Variants in ARHGDIG observed in about 807,000 individuals in gnomAD.
ARHGDIG encodes the protein rho GDP-dissociation inhibitor 3.
A neutral mutation model predicts 20.2 loss-of-function variants in ARHGDIG; 14 were observed. That is an observed-to-expected ratio of 0.69 (90% confidence interval 0.46 to 1.08). The LOEUF is 1.08. Among genes scored for constraint, ARHGDIG ranks in the 50% least tolerant of loss-of-function variants. ARHGDIG has a pLI of 0.00. For missense variants in ARHGDIG, 311 were observed against 301.8 expected, an observed-to-expected ratio of 1.03 and a Z score of -0.23; for synonymous variants, 193 against 138.6, an observed-to-expected ratio of 1.39 and a Z score of -2.76.
chr16:281,819 G>A lies in ARHGDIG; in HGVS notation c.147G>A (p.Arg49=). The change falls in exon 2 of 6, where the codon CGG becomes CGA. Residue 49 remains arginine, a synonymous_variant. Transcript: ENST00000219409. ...EVLDEAVPEY[R]APGRKSLLEI... The stretch of plus-strand genomic sequence containing the variant: ...TGGATGAGGCTGTGCCCGAGTACCG[G>A]GCGCCGGGGAGGAAGAGCCTCTTGG... The A allele has an allele frequency of 1.2e-6, 2 of 1,611,962 alleles. No homozygotes were observed. Among genetic ancestry groups the A allele is most frequent in the Admixed American group, 1.7e-5 (1 of 60,000 alleles).
At chr16:281,439 C>T in intron 1 of ARHGDIG, 2 of 332,978 alleles carry the variant, frequency 6.0e-6, no homozygotes, top group South Asian at 5.3e-5. Context: ...CTGGGCTGCC[C>T]TCATCTGAAG....
intron 3 of ARHGDIG, 32 bp downstream of exon 3, chr16:282,140 G>A (rs1596936573): frequency 1.9e-6 from 3 of 1,612,128 alleles, no homozygotes; most frequent in Admixed American, 1.7e-5. Context: ...CCTGAACACA[G>A]GTAGGGCCCT....
intron 1 of ARHGDIG, 110 bp from the exon 2 acceptor site, chr16:281,636 T>C: frequency 7.9e-7 from 1 of 1,270,320 alleles, no homozygotes; most frequent in East Asian, 2.6e-5. Context: ...AGGCTTCCCT[T>C]GAGTCCCTTT....
intron 1 of ARHGDIG, chr16:281,371 G>A (rs1424279656): frequency 1.1e-5 from 2 of 189,982 alleles, no homozygotes; most frequent in South Asian, 9.5e-5. Flanking sequence ...GGCCCTAGAG[G>A]GTCAGTAGGT....
rs562912473 is a variant in ARHGDIG at position 281,407 on chromosome 16, C to G, written c.74-339C>G. On this transcript the variant is annotated intron_variant, in intron 1 of 5. Coordinates refer to ENST00000219409, the MANE Select transcript of ARHGDIG (RefSeq NM_001176.4). ...TTGGGGGCCGCCGAGGGCCGCTGCT[C>G]TCTAGCAGGTAGCCCCTGACCCTGG... The G allele has an allele frequency of 3.2e-5, 8 of 247,290 alleles. No individual in the cohort carries two copies. The East Asian group carries it at 3.5e-4, about 11-fold the overall frequency. The allele number at this position is 247,290 out of a possible 1,614,324, so 15.3% of individuals were successfully genotyped here. A position where few individuals can be genotyped will look rare whatever the true frequency, so the allele number is the denominator to read the frequency against.
In ARHGDIG at chr16:282,026, C is replaced by A; in HGVS notation, c.255C>A (p.Asp85Glu). 1.9e-6 allele frequency: 3 copies of A among 1,612,384 alleles called. No individual in the cohort carries two copies. The highest frequency in any genetic ancestry group is 1.7e-6 in the Non-Finnish European group (2 of 1,179,850). ...VLLGPLPPAV[D>E]PSLPNVQVTR... ...TGCAGACTTCCAGTTTCTCCTCAGA[C>A]CCAAGCCTGCCCAATGTGCAGGTGA... The change falls in exon 3 of 6, where the codon GAC (aspartate) becomes GAA (glutamate). Residue 85 changes from aspartate (D) to glutamate (E), a missense_variant and splice_region_variant. By Grantham distance (45) the Asp-to-Glu change is conservative (BLOSUM62 2). Transcript: ENST00000219409.
At chr16:282,181 G>C in intron 3 of ARHGDIG, 73 bp downstream of exon 3, 1 of 1,606,854 alleles carries the variant, frequency 6.2e-7, no homozygotes, top group Non-Finnish European at 8.5e-7. Flanking sequence ...CCTGAGTTCC[G>C]AGCCCTGGGC....
chr16:281,856 C>G lies in ARHGDIG; in HGVS notation c.184C>G (p.Leu62Val). ...GRKSLLEIRQ[L>V]DPDDRSLAKY... ...GAAGAGCCTCTTGGAGATCCGGCAG[C>G]TGGACCCGGACGACAGGAGCCTGGC... The change falls in exon 2 of 6, where the codon CTG (leucine) becomes GTG (valine). Residue 62 changes from leucine to valine, a missense_variant. Leu to Val is a conservative substitution (Grantham distance 32, BLOSUM62 1). Coordinates refer to ENST00000219409, the MANE Select transcript of ARHGDIG (RefSeq NM_001176.4). 6.2e-7 allele frequency: 1 copy of G among 1,611,496 alleles called. No individual in the cohort carries two copies. The highest frequency in any genetic ancestry group is 8.5e-7 in the Non-Finnish European group (1 of 1,179,836).
intron 1 of ARHGDIG, 155 bp from the exon 2 acceptor site, chr16:281,591 T>A: frequency 1.1e-6 from 1 of 927,386 alleles, no homozygotes; most frequent in Non-Finnish European, 1.6e-6. Flanking sequence ...CAGGCCGCCC[T>A]GCTCTCTCTG....
chr16:281,846 G>A lies in ARHGDIG; in HGVS notation c.174G>A (p.Glu58=). 6.2e-7 allele frequency: 1 copy of A among 1,611,838 alleles called. No homozygotes were observed. The highest frequency in any genetic ancestry group is 1.7e-5 in the Admixed American group (1 of 60,004). Residue 58 remains glutamate (E), a synonymous_variant, in exon 2 of 6, where the codon GAG becomes GAA. Transcript: ENST00000219409. ...YRAPGRKSLL[E]IRQLDPDDRS... ...CGCCGGGGAGGAAGAGCCTCTTGGA[G>A]ATCCGGCAGCTGGACCCGGACGACA...
intron 1 of ARHGDIG, chr16:281,246 GGAAAGTGTTCA>G: frequency 6.4e-6 from 1 of 156,266 alleles, no homozygotes; most frequent in African/African-American, 2.4e-5. Flanking sequence ...CTAGACTGTG[GGAAAGTGTTCA>G]GAGACCCCAG....
Position 282,978 on chromosome 16 carries a change from T to C in ARHGDIG, c.*164T>C. ...CCTGGCCTGGCGCTGTCCCCTGAGCTGTCCCATTAAACATGGCCCTGTCTC... is the reference window on the plus strand; with the variant it reads ...CCTGGCCTGGCGCTGTCCCCTGAGCCGTCCCATTAAACATGGCCCTGTCTC... On this transcript the variant is annotated 3_prime_UTR_variant, in exon 6 of 6. Transcript: ENST00000219409. The C allele has an allele frequency of 1.1e-6, 1 of 913,566 alleles. No homozygotes were observed. The highest frequency in any genetic ancestry group is 1.8e-5 in the South Asian group (1 of 55,448). The allele number at this position is 913,566 out of a possible 1,614,324, so 56.6% of individuals were successfully genotyped here. A position where few individuals can be genotyped will look rare whatever the true frequency, so the allele number is the denominator to read the frequency against.
chr16:282,202 G>A (rs907191509), intron 3 of ARHGDIG, 94 bp downstream of exon 3: 20 of 1,603,052 alleles, frequency 1.2e-5, no homozygotes, highest in East Asian at 6.7e-5. Flanking sequence ...CATCACAGTC[G>A]CACACCTCAT....
chr16:281,753 G>C lies in ARHGDIG; in HGVS notation c.81G>C (p.Leu27=), dbSNP rs1479690128. ...LRLALCARVL[L]ADKEGGPPAV... is the part of the protein sequence containing the mutation. ...GCCCCTCCCCACCCCCAGTCCTCCT[G>C]GCTGACAAGGAGGGTGGGCCGCCGG... Residue 27 remains leucine (L), a synonymous_variant, in exon 2 of 6, where the codon CTG becomes CTC. Coordinates refer to ENST00000219409, the MANE Select transcript of ARHGDIG (RefSeq NM_001176.4). 3.8e-6 allele frequency: 6 copies of C among 1,590,590 alleles called. No individual in the cohort carries two copies. The highest frequency in any genetic ancestry group is 8.6e-7 in the Non-Finnish European group (1 of 1,169,284).
chr16:281,960 T>TG (rs752103994), intron 2 of ARHGDIG, 35 bp downstream of exon 2: 6 of 935,410 alleles, frequency 6.4e-6, no homozygotes, highest in Non-Finnish European at 8.8e-6. Context: ...GGGCTGGGTC[T>TG]GGGGGGCTGG....
chr16:282,414 G>T (rs1436472423), intron 4 of ARHGDIG, 41 bp downstream of exon 4: 3 of 1,611,510 alleles, frequency 1.9e-6, no homozygotes, highest in East Asian at 2.2e-5. Flanking sequence ...GGGGGTGGGG[G>T]CAACAGCCAG....
Position 280,760 on chromosome 16 carries a change from G to C in ARHGDIG, c.73+7G>C. ...CTGGCGCTGTGCGCCCGAGGTGAGCGGGCCGGGCAGGGGCGGGGGGCTCGG... is the reference window on the plus strand; with the variant it reads ...CTGGCGCTGTGCGCCCGAGGTGAGCCGGCCGGGCAGGGGCGGGGGGCTCGG... On this transcript the variant is annotated splice_region_variant and intron_variant, in intron 1 of 5. Coordinates refer to ENST00000219409, the MANE Select transcript of ARHGDIG (RefSeq NM_001176.4). This position sits in a 1 kb window ranked among gnomAD's most constrained non-coding sequence, Gnocchi z 6.6. 7.8e-7 allele frequency: 1 copy of C among 1,276,162 alleles called. No homozygotes were observed. Among genetic ancestry groups the C allele is most frequent in the Non-Finnish European group, 9.9e-7 (1 of 1,010,572 alleles). The allele number at this position is 1,276,162 out of a possible 1,614,324, so 79.1% of individuals were successfully genotyped here.
chr16:281,566 G>T, intron 1 of ARHGDIG, 180 bp from the exon 2 acceptor site: 1 of 662,992 alleles, frequency 1.5e-6, no homozygotes, highest in Non-Finnish European at 2.5e-6. Flanking sequence ...GTCTGGGTGC[G>T]GTGCGGCACC....
At position 280,640 on chromosome 16, in the gene ARHGDIG, GGCTCCTCGGCGGCTCCGCGGC is replaced by G. The variant is rs1167983633; in HGVS notation, c.-38_-18del. 3.5e-6 allele frequency: 3 copies of G among 861,586 alleles called. No homozygotes were observed. The highest frequency in any genetic ancestry group is 3.3e-4 in the East Asian group (2 of 6,066). 53.4% of individuals were successfully genotyped at this position (861,586 alleles called of 1,614,324 possible). Reference sequence around the variant, plus strand: ...GCGGGGCGGCGGCGGGGCGGGCGGCGGCTCCTCGGCGGCTCCGCGGCGCCCGGGCCGCGCGCCGCCATGCTG... The same window carrying G: ...GCGGGGCGGCGGCGGGGCGGGCGGCGGCCCGGGCCGCGCGCCGCCATGCTG... On this transcript the variant is annotated 5_prime_UTR_variant, in exon 1 of 6. Transcript: ENST00000219409. This position sits in a 1 kb window ranked among gnomAD's most constrained non-coding sequence, Gnocchi z 6.6.
Sources: gnomAD v4.1 joint callset for allele counts on GRCh38, gnomAD v4.1.1 for gene constraint, Gnocchi (gnomAD v3.1) non-coding constraint, MANE v1.5 for transcripts, NCBI Gene and HGNC (gene_info 2026-07-23, HGNC 2026-07-21) for gene names.